Variants in WWOX observed in about 807,000 individuals in gnomAD.
WWOX encodes the protein WW domain containing oxidoreductase, also known as WW domain-containing oxidoreductase.
WWOX carries 69 observed loss-of-function variants against 46.2 expected under a neutral mutation model. The observed-to-expected ratio is 1.49, with a 90% confidence interval of 1.23 to 1.82. The LOEUF (loss-of-function observed/expected upper bound fraction) is 1.82. WWOX is among the 40% of genes most tolerant of loss of function. WWOX has a pLI of 0.00. For missense variants in WWOX, 919 were observed against 542.6 expected, an observed-to-expected ratio of 1.69 and a Z score of -6.89; for synonymous variants, 359 against 202.6, an observed-to-expected ratio of 1.77 and a Z score of -6.56.
intron 8 of WWOX, among the ~76,000 whole-genome samples, chr16:78,902,643 G>A (rs950122488): frequency 6.6e-6 from 1 of 152,190 alleles, no homozygotes; most frequent in Non-Finnish European, 1.5e-5. Context: ...TTTTACCATG[G>A]GTAAACCATT....
At chr16:78,889,847 T>G (rs1228253344) in intron 8 of WWOX, among the ~76,000 whole-genome samples, 1 of 152,234 alleles carries the variant, frequency 6.6e-6, no homozygotes, top group Non-Finnish European at 1.5e-5. Flanking sequence ...TTACGTTTGC[T>G]GTATCTGGAG....
intron 8 of WWOX, among the ~76,000 whole-genome samples, chr16:78,657,387 C>G (rs1567469121): frequency 1.3e-5 from 2 of 152,102 alleles, no homozygotes; most frequent in South Asian, 2.1e-4. Context: ...GTAAAGGAGC[C>G]TGTGCTTCCC....
At chr16:79,184,385 T>C (rs543230645) in intron 8 of WWOX, among the ~76,000 whole-genome samples, 4 of 152,174 alleles carry the variant, frequency 2.6e-5, no homozygotes, top group Non-Finnish European at 4.4e-5. Context: ...AGTGTGTCCA[T>C]GGGGGCAGAG....
chr16:78,403,751 T>G (rs2082465815), intron 6 of WWOX, among the ~76,000 whole-genome samples: 1 of 152,208 alleles, frequency 6.6e-6, no homozygotes, highest in South Asian at 2.1e-4. Flanking sequence ...AAGTTTTCAG[T>G]TGTAAGAGTA....
intron 8 of WWOX, among the ~76,000 whole-genome samples, chr16:78,573,156 G>T (rs1275855748): frequency 6.6e-6 from 1 of 152,208 alleles, no homozygotes; most frequent in East Asian, 1.9e-4. Flanking sequence ...ATGGTGGCGG[G>T]GTGCCTGTAG....
chr16:79,189,757 C>T (rs140975079), intron 8 of WWOX, among the ~76,000 whole-genome samples: 127 of 151,774 alleles, frequency 8.4e-4, no homozygotes, highest in Non-Finnish European at 1.4e-3. Context: ...GCTTGGCTGT[C>T]CTGAAATTGC....
At chr16:78,843,916 T>A (rs2052228742) in intron 8 of WWOX, among the ~76,000 whole-genome samples, 2 of 152,192 alleles carry the variant, frequency 1.3e-5, no homozygotes, top group South Asian at 4.1e-4. Context: ...TCCACTCGGT[T>A]CCTAATGGCA....
chr16:78,613,370 T>G (rs770420828), intron 8 of WWOX, among the ~76,000 whole-genome samples: 3 of 152,150 alleles, frequency 2.0e-5, no homozygotes, highest in Non-Finnish European at 2.9e-5. Flanking sequence ...CTTGGTCATC[T>G]GGACCCTGGG....
chr16:78,877,803 G>A (rs184429025), intron 8 of WWOX, among the ~76,000 whole-genome samples: 7 of 152,302 alleles, frequency 4.6e-5, no homozygotes, highest in African/African-American at 1.7e-4. Context: ...ATCCTTGGAT[G>A]TATAATGTCC....
intron 8 of WWOX, among the ~76,000 whole-genome samples, chr16:78,443,275 A>G (rs75695018): frequency 0.016 from 2,395 of 152,030 alleles, 60 homozygotes; most frequent in African/African-American, 0.055. Context: ...ACTGCACTCC[A>G]GCCTGGGTGA....
In WWOX at chr16:78,350,325, A is replaced by T. The variant is rs1401489326; in HGVS notation, c.517-36535A>T. On this transcript the variant is annotated intron_variant, in intron 5 of 8. Coordinates refer to ENST00000566780, the MANE Select transcript of WWOX (RefSeq NM_016373.4). Reference sequence around the variant, plus strand: ...GATACATAAACTTTGCCCATTCAAAATGTACAATTCAGTGCTTTCAGTATA... The same window carrying T: ...GATACATAAACTTTGCCCATTCAAATTGTACAATTCAGTGCTTTCAGTATA... Among the ~76,000 whole-genome samples the T allele has an allele frequency of 1.6e-5, 2 of 121,536 alleles. 1 individual carries two copies. The highest frequency in any genetic ancestry group is 5.6e-5 in the African/African-American group (2 of 35,858). The allele number at this position is 121,536 out of a possible 152,430, so 79.7% of individuals were successfully genotyped here.
intron 8 of WWOX, among the ~76,000 whole-genome samples, chr16:79,047,010 G>T (rs933056411): frequency 4.6e-5 from 7 of 152,146 alleles, no homozygotes; most frequent in African/African-American, 1.7e-4. Context: ...TAAAGCAACT[G>T]ACCTTTTATC....
In WWOX at chr16:78,974,718, G is replaced by C. The variant is rs1254467059; in HGVS notation, c.1057-236890G>C. ...ATGGTGTTTACAGAGTTGCCACTTT[G>C]CCAAACCCCAAGACCCACACTTGGT... On this transcript the variant is annotated intron_variant, in intron 8 of 8. Transcript: ENST00000566780. Among the ~76,000 whole-genome samples the C allele has an allele frequency of 5.9e-5, 9 of 152,146 alleles. No homozygotes were observed. In the South Asian group the frequency reaches 6.2e-4, roughly 11 times the overall value.
intron 6 of WWOX, among the ~76,000 whole-genome samples, chr16:78,403,798 G>A (rs910248153): frequency 1.3e-5 from 2 of 152,196 alleles, no homozygotes; most frequent in African/African-American, 4.8e-5. Flanking sequence ...GTAATTTACT[G>A]CCAGCTCTAG....
At chr16:78,361,148 C>G (rs1012514596) in intron 5 of WWOX, among the ~76,000 whole-genome samples, 18 of 149,524 alleles carry the variant, frequency 1.2e-4, no homozygotes, top group Admixed American at 1.1e-3. Context: ...TTGATAGTTG[C>G]TTACTTATTT....
intron 8 of WWOX, among the ~76,000 whole-genome samples, chr16:78,930,533 C>T (rs1003884203): frequency 4.7e-5 from 7 of 150,266 alleles, no homozygotes; most frequent in South Asian, 4.2e-4. Context: ...TCAAGTGATC[C>T]GCCAGCCTCA....
At chr16:78,764,601 G>C (rs1250182478) in intron 8 of WWOX, among the ~76,000 whole-genome samples, 1 of 143,308 alleles carries the variant, frequency 7.0e-6, no homozygotes, top group Non-Finnish European at 1.5e-5. Flanking sequence ...CCCCGGGTGG[G>C]TTTGGAAGCC....
chr16:78,104,360 T>TAC (rs35617570), intron 1 of WWOX, among the ~76,000 whole-genome samples: 243 of 147,758 alleles, frequency 1.6e-3, no homozygotes, highest in Middle Eastern at 3.5e-3. Context: ...TGCACGCACA[T>TAC]ACACACACAC....
At chr16:78,975,458 C>CTT (rs55693225) in intron 8 of WWOX, among the ~76,000 whole-genome samples, 4 of 144,044 alleles carry the variant, frequency 2.8e-5, no homozygotes, top group East Asian at 4.1e-4. Context: ...GTTCCCCAAC[C>CTT]TTTTTTTTTT....
Sources: gnomAD v4.1 joint callset for allele counts (sites outside exome capture counted in the v4.1 genomes callset) on GRCh38, gnomAD v4.1.1 for gene constraint, MANE v1.5 for transcripts, NCBI Gene and HGNC (gene_info 2026-07-23, HGNC 2026-07-21) for gene names.